The following KAZN variants were observed in gnomAD, a reference collection of about 807,000 sequenced individuals.
The protein encoded by KAZN is kazrin.
KAZN carries 40 observed loss-of-function variants against 87.4 expected under a neutral mutation model. That is an observed-to-expected ratio of 0.46 (90% CI 0.36 to 0.60). The LOEUF is 0.60. KAZN is among the 20% of genes least tolerant of loss of function. The pLI is 0.00. For missense variants in KAZN, 898 were observed against 1,073.9 expected (o/e 0.84, Z 2.29); for synonymous variants, 466 against 458.3 (o/e 1.02, Z -0.22).
chr1:14,992,453 G>A (rs1448288774), intron 2 of KAZN, among the ~76,000 whole-genome samples: 1 of 152,154 alleles, frequency 6.6e-6, no homozygotes, highest in Non-Finnish European at 1.5e-5. Flanking sequence ...GCCATTATTC[G>A]ATGAGGACCT....
chr1:14,944,331 T>G (rs1242930079), intron 1 of KAZN, among the ~76,000 whole-genome samples: 1 of 152,228 alleles, frequency 6.6e-6, no homozygotes, highest in African/African-American at 2.4e-5. Context: ...AAGGGTGTTT[T>G]TCTAATCAGC....
Position 14,410,933 on chromosome 1 carries a change from G to A in KAZN, c.250-188050G>A, listed in dbSNP as rs371186159. On this transcript the variant is annotated intron_variant, in intron 2 of 16. Transcript: ENST00000636203. ...ACTGATTGTGGACTTCTGGCCTCCAGAACTGGAAGAGAATAAATTTCTGTT... is the reference window on the plus strand; with the variant it reads ...ACTGATTGTGGACTTCTGGCCTCCAAAACTGGAAGAGAATAAATTTCTGTT... Among the ~76,000 whole-genome samples, 7 of 152,212 alleles carry A rather than the reference G, an allele frequency of 4.6e-5. No homozygotes were observed. In the East Asian group the frequency reaches 7.7e-4, roughly 17 times the overall value.
chr1:14,386,696 T>C (rs1033690832), intron 2 of KAZN, among the ~76,000 whole-genome samples: 7 of 152,168 alleles, frequency 4.6e-5, no homozygotes, highest in African/African-American at 1.7e-4. Context: ...GTTAGTCTGA[T>C]GGGCTTCCCT....
At chr1:14,110,187 G>A (rs1414393495) in intron 1 of KAZN, among the ~76,000 whole-genome samples, 1 of 152,200 alleles carries the variant, frequency 6.6e-6, no homozygotes, top group East Asian at 1.9e-4. Flanking sequence ...TTGGCCCTGT[G>A]CTCTCCACTT....
intron 2 of KAZN, chr1:14,349,360 T>A (rs1378904280): frequency 6.6e-6 from 1 of 152,096 alleles, no homozygotes; most frequent in Non-Finnish European, 1.5e-5. Flanking sequence ...CACGGGTGGT[T>A]TTTTTGAATT....
At position 14,847,719 on chromosome 1, in the gene KAZN, G is replaced by A. The variant is rs1006790406; in HGVS notation, c.227-112965G>A. On this transcript the variant is annotated intron_variant, in intron 1 of 14. Transcript: ENST00000376030. ...CTGGGGCAGGGGCACAGTGGCTCAC[G>A]CCTGTTATCCCACCACTTTGGGAAG... is the stretch of plus-strand genomic sequence containing the variant. Among the ~76,000 whole-genome samples the A allele has an allele frequency of 2.6e-5, 4 of 152,208 alleles. No individual in the cohort carries two copies. In the East Asian group the frequency reaches 5.8e-4, roughly 22 times the overall value.
intron 10 of KAZN, among the ~76,000 whole-genome samples, chr1:15,098,240 C>G (rs1245582187): frequency 6.6e-6 from 1 of 152,228 alleles, no homozygotes; most frequent in Non-Finnish European, 1.5e-5. Flanking sequence ...AGGGATGGGG[C>G]AGTGACAGAT....
chr1:14,089,399 A>G (rs536910512), intron 1 of KAZN, among the ~76,000 whole-genome samples: 1 of 152,132 alleles, frequency 6.6e-6, no homozygotes, highest in South Asian at 2.1e-4. Flanking sequence ...TTAATTCAGT[A>G]TTTTTTATGA....
chr1:14,331,888 T>C (rs922097294), intron 2 of KAZN, among the ~76,000 whole-genome samples: 4 of 151,908 alleles, frequency 2.6e-5, no homozygotes, highest in African/African-American at 9.6e-5. Flanking sequence ...GCTGGCTTTA[T>C]ACTTATAAAA....
At chr1:14,137,614 G>A (rs1213394126) in intron 1 of KAZN, among the ~76,000 whole-genome samples, 2 of 151,922 alleles carry the variant, frequency 1.3e-5, no homozygotes, top group Admixed American at 6.6e-5. Context: ...TCATTTCAGG[G>A]GATGACCACA....
At chr1:14,752,188 T>G (rs1049825751) in intron 1 of KAZN, among the ~76,000 whole-genome samples, 1 of 152,200 alleles carries the variant, frequency 6.6e-6, no homozygotes, top group Non-Finnish European at 1.5e-5. Flanking sequence ...TCTGCCCCTA[T>G]GACCCAAACA....
Position 15,094,396 on chromosome 1 carries a change from C to T in KAZN, c.1428+11C>T. ...GTGAAGAGCGGGAAGGTAGGCAACT[C>T]CGGGCCCCCTATGGGATGCCACCCA... On this transcript the variant is annotated intron_variant, in intron 9 of 14. Transcript: ENST00000376030. The surrounding 1 kb of genome is among the most constrained non-coding windows in gnomAD (Gnocchi z 4.5). The T allele has an allele frequency of 1.2e-6, 2 of 1,606,728 alleles. No individual in the cohort carries two copies. The highest frequency in any genetic ancestry group is 1.7e-6 in the Non-Finnish European group (2 of 1,176,062).
At chr1:14,774,750 G>T (rs1423324950) in intron 1 of KAZN, among the ~76,000 whole-genome samples, 1 of 152,128 alleles carries the variant, frequency 6.6e-6, no homozygotes, top group Non-Finnish European at 1.5e-5. Flanking sequence ...CTCCCAAAGT[G>T]CTGGGACTGC....
At chr1:14,918,861 G>A (rs1416419147) in intron 1 of KAZN, among the ~76,000 whole-genome samples, 2 of 151,360 alleles carry the variant, frequency 1.3e-5, no homozygotes, top group Non-Finnish European at 2.9e-5. Flanking sequence ...CACCTTGATT[G>A]CAGCCTTTAA....
At chr1:14,177,654 T>G (rs1484182316) in intron 1 of KAZN, among the ~76,000 whole-genome samples, 2 of 152,224 alleles carry the variant, frequency 1.3e-5, no homozygotes, top group Non-Finnish European at 2.9e-5. Flanking sequence ...GGTCTCTAAA[T>G]GTAACATGCC....
chr1:14,698,020 C>G (rs1641712531), intron 1 of KAZN, among the ~76,000 whole-genome samples: 1 of 152,178 alleles, frequency 6.6e-6, no homozygotes. Context: ...GAGTATAAGG[C>G]AAGATTGGCC....
intron 2 of KAZN, among the ~76,000 whole-genome samples, chr1:14,353,515 G>A (rs917915418): frequency 3.3e-5 from 5 of 152,194 alleles, no homozygotes; most frequent in African/African-American, 1.2e-4. Context: ...CACCGCGCCC[G>A]GCCGACGTCA....
At chr1:14,573,714 A>C (rs568924246) in intron 2 of KAZN, among the ~76,000 whole-genome samples, 15 of 152,304 alleles carry the variant, frequency 9.8e-5, no homozygotes, top group South Asian at 2.1e-4. Context: ...TCAGAACTTT[A>C]AAAGAAACAA....
At chr1:14,436,262 A>G (rs545416700) in intron 2 of KAZN, among the ~76,000 whole-genome samples, 1 of 152,104 alleles carries the variant, frequency 6.6e-6, no homozygotes, top group South Asian at 2.1e-4. Flanking sequence ...ATGCACACAC[A>G]CACAGGATTA....
Sources: allele counts gnomAD v4.1 joint callset (sites outside exome capture counted in the v4.1 genomes callset), GRCh38; gene constraint gnomAD v4.1.1; non-coding constraint Gnocchi (gnomAD v3.1); transcripts MANE v1.5; gene names NCBI Gene and HGNC (gene_info 2026-07-23, HGNC 2026-07-21).